The following PDE4B variants were observed in gnomAD, a reference collection of about 807,000 sequenced individuals.
PDE4B encodes the protein 3',5'-cyclic-AMP phosphodiesterase 4B.
PDE4B carries 20 observed loss-of-function variants against 82.2 expected under a neutral mutation model. The ratio of observed to expected loss-of-function variants is 0.24; its 90% CI spans 0.17 to 0.35. PDE4B has a LOEUF of 0.35. Among genes scored for constraint, PDE4B ranks in the 10% least tolerant of loss-of-function variants. The pLI is 1.00. For missense variants in PDE4B, 655 were observed against 907.2 expected, an observed-to-expected ratio of 0.72 and a Z score of 3.57; for synonymous variants, 320 against 318.9, an observed-to-expected ratio of 1.00 and a Z score of -0.04.
intron 3 of PDE4B, among the ~76,000 whole-genome samples, chr1:66,056,119 C>T (rs1420138391): frequency 6.6e-6 from 1 of 152,086 alleles, no homozygotes; most frequent in Non-Finnish European, 1.5e-5. Context: ...TTTAAATTTA[C>T]TTATTGAACA....
chr1:66,187,668 T>A (rs1218452124), intron 3 of PDE4B, among the ~76,000 whole-genome samples: 1 of 152,236 alleles, frequency 6.6e-6, no homozygotes, highest in Non-Finnish European at 1.5e-5. Flanking sequence ...TTCTGTGGGA[T>A]CTGTGGTGAT....
chr1:66,078,069 T>C (rs1282615968), intron 3 of PDE4B, among the ~76,000 whole-genome samples: 1 of 152,196 alleles, frequency 6.6e-6, no homozygotes, highest in Non-Finnish European at 1.5e-5. Context: ...CTTTGTATTA[T>C]AACCATTTTA....
intron 3 of PDE4B, among the ~76,000 whole-genome samples, chr1:65,987,372 C>A (rs1049564568): frequency 7.2e-5 from 11 of 152,126 alleles, no homozygotes; most frequent in Non-Finnish European, 1.2e-4. Context: ...ATAAAGATAT[C>A]ATGCTAGATA....
intron 1 of PDE4B, among the ~76,000 whole-genome samples, chr1:65,849,704 G>A (rs1281194909): frequency 6.7e-6 from 1 of 149,780 alleles, no homozygotes; most frequent in Admixed American, 6.7e-5. Flanking sequence ...GGGCACTGCA[G>A]AAAAAGAAAA....
intron 3 of PDE4B, among the ~76,000 whole-genome samples, chr1:66,021,050 AT>A (rs1653076743): frequency 6.6e-6 from 1 of 152,048 alleles, no homozygotes; most frequent in African/African-American, 2.4e-5. Context: ...TTTGATTTGC[AT>A]TTCTCTGATG....
chr1:65,992,649 G>A lies in PDE4B; in HGVS notation c.281+73814G>A, dbSNP rs1651308690. On this transcript the variant is annotated intron_variant, in intron 3 of 16. Transcript: ENST00000341517. ...GCTTGCAGACAAACCTCATCCACAAGGAGGCTACTGACATTGGAAGCACTT... is the reference window on the plus strand; with the variant it reads ...GCTTGCAGACAAACCTCATCCACAAAGAGGCTACTGACATTGGAAGCACTT... 6.0e-6 allele frequency: 6 copies of A among 1,001,578 alleles called. No homozygotes were observed. In the Admixed American group the frequency reaches 2.7e-4, roughly 45 times the overall value. 62.0% of individuals were successfully genotyped at this position (1,001,578 alleles called of 1,614,324 possible). A position where few individuals can be genotyped will look rare whatever the true frequency, so the allele number is the denominator to read the frequency against.
intron 3 of PDE4B, among the ~76,000 whole-genome samples, chr1:66,223,185 T>C (rs1476732482): frequency 6.6e-6 from 1 of 152,046 alleles, no homozygotes; most frequent in Non-Finnish European, 1.5e-5. Flanking sequence ...ATAAATAATA[T>C]AGTTTCAGGT....
chr1:66,203,479 T>A (rs12138927), intron 3 of PDE4B, among the ~76,000 whole-genome samples: 28,839 of 152,160 alleles, frequency 0.19, 2,882 homozygotes, highest in African/African-American at 0.2. Flanking sequence ...CACTTTCAGG[T>A]ACACCAATCA....
At chr1:65,889,335 TA>T (rs1267804604) in intron 1 of PDE4B, among the ~76,000 whole-genome samples, 1 of 152,146 alleles carries the variant, frequency 6.6e-6, no homozygotes, top group Admixed American at 6.6e-5. Flanking sequence ...TCCAATTTGC[TA>T]GTGTTTTGTT....
intron 2 of PDE4B, among the ~76,000 whole-genome samples, chr1:65,915,792 A>T (rs962870217): frequency 2.0e-5 from 3 of 152,152 alleles, no homozygotes; most frequent in African/African-American, 7.2e-5. Flanking sequence ...AAGAATACTG[A>T]CTTTTAAACA....
In PDE4B at chr1:66,290,812, C is replaced by T. The variant is rs74632480; in HGVS notation, c.634+24725C>T. Among the ~76,000 whole-genome samples the T allele has an allele frequency of 2.9e-3, 436 of 152,244 alleles. 5 individuals are homozygous for T. Among genetic ancestry groups the T allele is most frequent in the East Asian group, 0.029 (148 of 5,182 alleles). On this transcript the variant is annotated intron_variant, in intron 7 of 16. Transcript: ENST00000341517. The stretch of plus-strand genomic sequence containing the variant: ...GAAACCTTCCACCCACCAGGCTACC[C>T]CTCAATCCCTGCTCAGAAGCAGAAA...
At chr1:66,206,765 T>A (rs1278463952) in intron 3 of PDE4B, among the ~76,000 whole-genome samples, 1 of 152,000 alleles carries the variant, frequency 6.6e-6, no homozygotes, top group Non-Finnish European at 1.5e-5. Context: ...GAACACAGAG[T>A]ATGGACCTGA....
rs564518354 is a variant in PDE4B at position 66,070,483 on chromosome 1, A to T, written c.281+151648A>T. Among the ~76,000 whole-genome samples, 10 of 152,108 alleles carry T rather than the reference A, an allele frequency of 6.6e-5. No individual in the cohort carries two copies. The South Asian group carries it at 1.4e-3, about 22-fold the overall frequency. On this transcript the variant is annotated intron_variant, in intron 3 of 16. Transcript: ENST00000341517. ...GTAAAGTGAGACACTAAGTGACAAT[A>T]AACCATTTAAAAATAATTTGTCCCA...
At chr1:66,281,593 A>G (rs1414517551) in intron 7 of PDE4B, among the ~76,000 whole-genome samples, 1 of 152,244 alleles carries the variant, frequency 6.6e-6, no homozygotes, top group Non-Finnish European at 1.5e-5. Context: ...AGGAGCATAT[A>G]TGATGGAACT....
intron 1 of PDE4B, among the ~76,000 whole-genome samples, chr1:65,809,332 C>CAAAA (rs11366228): frequency 5.5e-5 from 4 of 72,518 alleles, no homozygotes; most frequent in Non-Finnish European, 9.9e-5. Flanking sequence ...CTCCATCTCA[C>CAAAA]AAAAAAAAAA....
intron 3 of PDE4B, among the ~76,000 whole-genome samples, chr1:65,933,113 C>G (rs1466132074): frequency 6.6e-6 from 1 of 151,622 alleles, no homozygotes; most frequent in African/African-American, 2.4e-5. Context: ...CAGCAGATAC[C>G]AGATGAAATG....
intron 3 of PDE4B, among the ~76,000 whole-genome samples, chr1:66,034,469 G>A (rs865956874): frequency 5.7e-4 from 87 of 152,202 alleles, no homozygotes; most frequent in African/African-American, 1.9e-3. Flanking sequence ...TGGCATTATG[G>A]AATATTCCTG....
Position 66,000,287 on chromosome 1 carries a change from A to G in PDE4B, c.281+81452A>G, listed in dbSNP as rs1009028951. 5.9e-5 allele frequency among the ~76,000 whole-genome samples: 9 copies of G among 152,224 alleles called. No homozygotes were observed. The South Asian group carries it at 8.3e-4, about 14-fold the overall frequency. ...GTTATTTTGCCTTCAAAATATTTACATAGTGTACATTAGAATGCTTAATTA... is the reference window on the plus strand; with the variant it reads ...GTTATTTTGCCTTCAAAATATTTACGTAGTGTACATTAGAATGCTTAATTA... On this transcript the variant is annotated intron_variant, in intron 3 of 16. Transcript: ENST00000341517.
chr1:65,946,592 A>G (rs1262597824), intron 3 of PDE4B, among the ~76,000 whole-genome samples: 4 of 151,914 alleles, frequency 2.6e-5, no homozygotes, highest in East Asian at 1.9e-4. Flanking sequence ...CTGGGGCCCA[A>G]TGGTATGCCA....
Sources: gnomAD v4.1 joint callset for allele counts (sites outside exome capture counted in the v4.1 genomes callset) on GRCh38, gnomAD v4.1.1 for gene constraint, MANE v1.5 for transcripts, NCBI Gene and HGNC (gene_info 2026-07-23, HGNC 2026-07-21) for gene names.